SRP72: variants seen among roughly 807,000 people sequenced by gnomAD.
SRP72 encodes the protein signal recognition particle 72.
Under a neutral mutation model 96.3 loss-of-function variants are expected in SRP72, and 49 were observed. The ratio of observed to expected loss-of-function variants is 0.51; its 90% confidence interval spans 0.40 to 0.65. The LOEUF (loss-of-function observed/expected upper bound fraction) is 0.65. Ranked by LOEUF, SRP72 falls within the 30% of genes least tolerant of loss-of-function variation. The pLI, the probability that SRP72 is intolerant of heterozygous loss-of-function variation, is 0.00. For synonymous variants in SRP72, 267 were observed against 275.2 expected, an observed-to-expected ratio of 0.97 and a Z score of 0.30; for missense variants, 736 against 793.3, an observed-to-expected ratio of 0.93 and a Z score of 0.87.
chr4:56,489,363 C>G, intron 12 of SRP72, 25 bp from the exon 13 acceptor site: 1 of 1,417,562 alleles, frequency 7.1e-7, no homozygotes, highest in Non-Finnish European at 9.7e-7. Flanking sequence ...GGGGAGTTCA[C>G]TAATTTATAC....
In SRP72 at chr4:56,478,485, A is replaced by G. The variant is rs1413458895; in HGVS notation, c.749A>G (p.Asn250Ser). Reference sequence around the variant, plus strand: ...ACAGAGGAGGCTTTGCAACTTTACAATCAAATAATAAAACTAAAGTGAGTT... The same window carrying G: ...ACAGAGGAGGCTTTGCAACTTTACAGTCAAATAATAAAACTAAAGTGAGTT... ...GRTEEALQLY[N>S]QIIKLKPTDV... Residue 250 changes from asparagine to serine, a missense_variant, in exon 7 of 19, where the codon AAT becomes AGT. Physicochemically the swap from Asn to Ser is conservative, Grantham distance 46. Around this residue, in one of 3 missense-constraint regions of SRP72, gnomAD observed 329 missense variants for 319.0 expected, o/e 1.03. Transcript: ENST00000642900. The G allele has an allele frequency of 2.5e-6, 4 of 1,613,938 alleles. No individual in the cohort carries two copies. Among genetic ancestry groups the G allele is most frequent in the African/African-American group, 1.3e-5 (1 of 74,922 alleles).
rs1265145907 is a variant in SRP72 at position 56,502,056 on chromosome 4, C to G, written c.*195C>G. ...ATATGGCCTACTGGTTGCCTCATAG[C>G]TTTGTACAGATTATGAGGACTGAAA... On this transcript the variant is annotated 3_prime_UTR_variant, in exon 19 of 19. Coordinates refer to ENST00000642900, the MANE Select transcript of SRP72 (RefSeq NM_006947.4). 6.8e-6 allele frequency: 4 copies of G among 589,064 alleles called. No individual in the cohort carries two copies. The highest frequency in any genetic ancestry group is 6.1e-5 in the Admixed American group (2 of 32,706). The allele number at this position is 589,064 out of a possible 1,614,324, so 36.5% of individuals were successfully genotyped here.
At chr4:56,495,825 T>G (rs1721058041) in intron 17 of SRP72, among the ~76,000 whole-genome samples, 1 of 152,210 alleles carries the variant, frequency 6.6e-6, no homozygotes. Flanking sequence ...GTTTATAAAG[T>G]TGGCAGTCTA....
chr4:56,491,373 T>G, intron 15 of SRP72, 58 bp from the exon 16 acceptor site: 1 of 1,562,104 alleles, frequency 6.4e-7, no homozygotes. Flanking sequence ...AACATATATA[T>G]CTATATAAAT....
chr4:56,497,983 A>G (rs1721135376), intron 17 of SRP72, among the ~76,000 whole-genome samples: 1 of 151,682 alleles, frequency 6.6e-6, no homozygotes, highest in Non-Finnish European at 1.5e-5. Context: ...AACTGAGTCC[A>G]TTTTTCTTTG....
At chr4:56,500,394 C>A in intron 17 of SRP72, 142 bp from the exon 18 acceptor site, 1 of 892,210 alleles carries the variant, frequency 1.1e-6, no homozygotes, top group Non-Finnish European at 1.7e-6. Flanking sequence ...ATTTCGCCTG[C>A]TAGATTATAC....
chr4:56,495,460 G>A, intron 17 of SRP72, 66 bp downstream of exon 17: 1 of 1,097,834 alleles, frequency 9.1e-7, no homozygotes, highest in Non-Finnish European at 1.3e-6. Context: ...GCCCTATATA[G>A]AAATATTTGG....
intron 9 of SRP72, among the ~76,000 whole-genome samples, chr4:56,484,026 ATTT>A (rs539665243): frequency 1.6e-4 from 14 of 86,608 alleles, no homozygotes; most frequent in African/African-American, 7.0e-4. Flanking sequence ...AGAAGCAGTA[ATTT>A]TTTTTTTTTT....
intron 11 of SRP72, among the ~76,000 whole-genome samples, chr4:56,487,159 G>C (rs1269445898): frequency 6.6e-6 from 1 of 152,138 alleles, no homozygotes; most frequent in Non-Finnish European, 1.5e-5. Flanking sequence ...ATTTTCAATG[G>C]TGGTGACAAT....
chr4:56,471,865 A>G, intron 3 of SRP72, 22 bp downstream of exon 3: 3 of 1,613,070 alleles, frequency 1.9e-6, no homozygotes, highest in South Asian at 1.1e-5. Context: ...TTTTAAATAC[A>G]TGTTGACAGT....
chr4:56,475,970 C>T (rs1179804274), intron 5 of SRP72: 1 of 152,138 alleles, frequency 6.6e-6, no homozygotes, highest in African/African-American at 2.4e-5. Context: ...AAAGTAATTA[C>T]AGTCACTACA....
rs1470060275 is a variant in SRP72, at chr4:56,503,525, T to C, written c.*1664T>C. 6.6e-6 allele frequency: 1 copy of C among 152,260 alleles called. No homozygotes were observed. Among genetic ancestry groups the C allele is most frequent in the Non-Finnish European group, 1.5e-5 (1 of 68,036 alleles). 9.4% of individuals were successfully genotyped at this position (152,260 alleles called of 1,614,324 possible). A position where few individuals can be genotyped will look rare whatever the true frequency, so the allele number is the denominator to read the frequency against. ...ATGAAGTATAAACACATGAACTTTC[T>C]AGAAATATTTCCTCTTTTGGATAGG... On this transcript the variant is annotated 3_prime_UTR_variant, in exon 19 of 19. Transcript: ENST00000642900.
rs1040556289 is a variant in SRP72 at position 56,490,268 on chromosome 4, A to T, written c.1321-65A>T. The T allele has an allele frequency of 4.3e-3, 5,488 of 1,289,500 alleles. 11 individuals are homozygous for T. The highest frequency in any genetic ancestry group is 5.5e-3 in the Non-Finnish European group (4,954 of 907,002). 79.9% of individuals were successfully genotyped at this position (1,289,500 alleles called of 1,614,324 possible). On this transcript the variant is annotated intron_variant, in intron 13 of 18. Coordinates refer to ENST00000642900, the MANE Select transcript of SRP72 (RefSeq NM_006947.4). ...TGTATTTCTTAAAGGTCTAATGAAT[A>T]TAACTGCATGCACTTGCTAGATATT...
At chr4:56,469,558 A>G (rs1030009846) in intron 1 of SRP72, 95 bp from the exon 2 acceptor site, 2 of 1,237,830 alleles carry the variant, frequency 1.6e-6, no homozygotes, top group African/African-American at 3.0e-5. Flanking sequence ...ATAAAAGTAG[A>G]AATTTAGCTT....
intron 8 of SRP72, among the ~76,000 whole-genome samples, chr4:56,480,344 C>T (rs1164820669): frequency 1.3e-5 from 2 of 152,196 alleles, no homozygotes; most frequent in Non-Finnish European, 2.9e-5. Flanking sequence ...ACTGCAGCCT[C>T]CACCTCCCGG....
At chr4:56,488,754 T>C (rs1212200889) in intron 12 of SRP72, among the ~76,000 whole-genome samples, 1 of 152,232 alleles carries the variant, frequency 6.6e-6, no homozygotes, top group Admixed American at 6.5e-5. Context: ...CCTTTTAATA[T>C]CTATAGAACC....
Position 56,491,415 on chromosome 4 carries a change from T to C in SRP72, c.1503-16T>C, listed in dbSNP as rs1366844404. 1 of 1,611,710 alleles carries C rather than the reference T, an allele frequency of 6.2e-7. No individual in the cohort carries two copies. The highest frequency in any genetic ancestry group is 1.3e-5 in the African/African-American group (1 of 74,876). ...GTTTGTGTATATTATGTTCCTGAAC[T>C]CCTGTTCTATCACAGTCTTAGTAAA... On this transcript the variant is annotated splice_polypyrimidine_tract_variant and intron_variant, in intron 15 of 18. Coordinates refer to ENST00000642900, the MANE Select transcript of SRP72 (RefSeq NM_006947.4).
chr4:56,495,177 G>A (rs1046727717), intron 16 of SRP72, 180 bp from the exon 17 acceptor site: 17 of 394,914 alleles, frequency 4.3e-5, no homozygotes, highest in Non-Finnish European at 6.5e-5. Context: ...TATAGTATCT[G>A]AAGCTTAATT....
intron 17 of SRP72, among the ~76,000 whole-genome samples, chr4:56,500,239 A>T (rs1721215726): frequency 6.6e-6 from 1 of 152,148 alleles, no homozygotes; most frequent in Non-Finnish European, 1.5e-5. Flanking sequence ...TAGGGGAGGG[A>T]TAGCATTGGG....
Sources: gnomAD v4.1 joint callset for allele counts (sites outside exome capture counted in the v4.1 genomes callset) on GRCh38, gnomAD v4.1.1 for gene constraint, gnomAD v4.1.1 regional missense constraint, MANE v1.5 for transcripts, NCBI Gene and HGNC (gene_info 2026-07-23, HGNC 2026-07-21) for gene names.